Variants in BTD observed in about 807,000 individuals in gnomAD.
BTD encodes biotinidase, also known as biocytinase.
A neutral mutation model predicts 17.7 loss-of-function variants in BTD; 13 were observed. That is an observed-to-expected ratio of 0.74 (90% CI 0.48 to 1.17). The LOEUF (loss-of-function observed/expected upper bound fraction) is 1.17, where lower values mean the gene tolerates loss of function less well. Among genes scored for constraint, BTD ranks in the 50% most tolerant of loss-of-function variants. BTD has a pLI of 0.00. For missense variants in BTD, 674 were observed against 650.4 expected (o/e 1.04, Z -0.39); for synonymous variants, 240 against 245.2 (o/e 0.98, Z 0.20).
At chr3:15,603,775 G>A (rs2064356799) in intron 1 of BTD, among the ~76,000 whole-genome samples, 1 of 152,232 alleles carries the variant, frequency 6.6e-6, no homozygotes, top group Admixed American at 6.5e-5. Context: ...GGAGAAATTG[G>A]TCAAGACAAA....
At chr3:15,658,832 A>G (rs976828768) in intron 3 of BTD, among the ~76,000 whole-genome samples, 8 of 152,212 alleles carry the variant, frequency 5.3e-5, no homozygotes, top group Admixed American at 5.2e-4. Context: ...AACTCATCTC[A>G]TTTATACCAG....
intron 2 of BTD, among the ~76,000 whole-genome samples, chr3:15,640,454 G>T (rs544790570): frequency 5.9e-5 from 9 of 151,358 alleles, no homozygotes; most frequent in Admixed American, 1.3e-4. Context: ...GCAATGGTGC[G>T]ATCTCAGCTC....
intron 3 of BTD, chr3:15,685,343 C>G (rs762803080): frequency 1.2e-6 from 2 of 1,613,996 alleles, no homozygotes; most frequent in Non-Finnish European, 1.7e-6. Context: ...TGTCCACAGG[C>G]AGCAGACAGG....
downstream of BTD, chr3:15,714,553 A>G (rs530577100): frequency 2.0e-6 from 3 of 1,525,864 alleles, no homozygotes; most frequent in Non-Finnish European, 2.6e-6. Flanking sequence ...AAAAACCCCA[A>G]AAAAAAAACA....
chr3:15,689,332 C>A (rs1343524954), intron 3 of BTD, among the ~76,000 whole-genome samples: 2 of 152,192 alleles, frequency 1.3e-5, no homozygotes. Context: ...GGGCTTCTGT[C>A]TGGAGAAATG....
chr3:15,631,170 A>C (rs2065195137), intron 1 of BTD, among the ~76,000 whole-genome samples: 1 of 152,190 alleles, frequency 6.6e-6, no homozygotes, highest in African/African-American at 2.4e-5. Flanking sequence ...CTACACATAG[A>C]AATGTATACT....
At chr3:15,713,756 T>C (rs1396869263), downstream of BTD, 1 of 538,724 alleles carries the variant, frequency 1.9e-6, no homozygotes, top group Admixed American at 3.6e-5. Context: ...TACAGCAATT[T>C]TAACTAGATT....
chr3:15,692,396 G>A (rs2068926678), intron 3 of BTD, among the ~76,000 whole-genome samples: 1 of 152,166 alleles, frequency 6.6e-6, no homozygotes, highest in Non-Finnish European at 1.5e-5. Flanking sequence ...ACTGTAGTGA[G>A]CCGTGATTGT....
At chr3:15,694,307 CACA>C (rs1283042587) in intron 3 of BTD, among the ~76,000 whole-genome samples, 4 of 152,090 alleles carry the variant, frequency 2.6e-5, no homozygotes, top group East Asian at 1.9e-4. Flanking sequence ...CCAGTGAACA[CACA>C]ACAAGTTAGC....
chr3:15,630,149 C>G (rs539969300), intron 1 of BTD: 2 of 890,694 alleles, frequency 2.2e-6, no homozygotes, highest in South Asian at 1.0e-4. Context: ...TCATGAAACT[C>G]AAATCTTGAA....
intron 3 of BTD, among the ~76,000 whole-genome samples, chr3:15,643,041 A>AAT (rs1553653334): frequency 0.13 from 17,137 of 134,700 alleles, 1,157 homozygotes; most frequent in African/African-American, 0.18. Context: ...AAAAAAAAAA[A>AAT]AAATAAAATA....
chr3:15,714,506 T>A, downstream of BTD: 2 of 1,093,312 alleles, frequency 1.8e-6, no homozygotes. Context: ...TACCATTCAT[T>A]TGGTGGATGT....
intron 1 of BTD, 98 bp downstream of exon 1, chr3:15,601,992 C>A (rs1335019840): frequency 6.4e-7 from 1 of 1,556,380 alleles, no homozygotes; most frequent in Admixed American, 1.9e-5. Flanking sequence ...GAGGGCTGCG[C>A]AAAGGCTGCC....
chr3:15,639,800 T>C (rs1193994956), intron 2 of BTD, among the ~76,000 whole-genome samples: 4 of 152,218 alleles, frequency 2.6e-5, no homozygotes, highest in Admixed American at 1.3e-4. Flanking sequence ...TGGCAGTGTG[T>C]GTTAAGAACT....
At chr3:15,640,689 C>A (rs2065474019) in intron 2 of BTD, among the ~76,000 whole-genome samples, 1 of 152,028 alleles carries the variant, frequency 6.6e-6, no homozygotes, top group Non-Finnish European at 1.5e-5. Flanking sequence ...CCATGCTTGG[C>A]CGTATTTTTT....
chr3:15,692,568 A>T (rs1203493049), intron 3 of BTD, among the ~76,000 whole-genome samples: 13 of 152,234 alleles, frequency 8.5e-5, no homozygotes, highest in African/African-American at 2.7e-4. Context: ...CTGAGAGAAG[A>T]AGTCCAAATG....
chr3:15,703,761 A>G (rs1033703765), intron 3 of BTD, among the ~76,000 whole-genome samples: 1 of 152,248 alleles, frequency 6.6e-6, no homozygotes, highest in Admixed American at 6.5e-5. Flanking sequence ...AGGTTTTGGA[A>G]CTGGGTAATG....
intron 3 of BTD, among the ~76,000 whole-genome samples, chr3:15,679,994 T>C (rs1306901925): frequency 6.6e-6 from 1 of 152,190 alleles, no homozygotes; most frequent in African/African-American, 2.4e-5. Flanking sequence ...ATAGGTTATA[T>C]GCAAATACTA....
intron 1 of BTD, 22 bp downstream of exon 1, chr3:15,601,916 G>T (rs760124676): frequency 6.2e-7 from 1 of 1,612,968 alleles, no homozygotes; most frequent in South Asian, 1.1e-5. Context: ...GCGTGGTGCG[G>T]CGCGGAGGGG....
Sources: gnomAD v4.1 joint callset for allele counts (sites outside exome capture counted in the v4.1 genomes callset) on GRCh38, gnomAD v4.1.1 for gene constraint, MANE v1.5 for transcripts, NCBI Gene and HGNC (gene_info 2026-07-23, HGNC 2026-07-21) for gene names.